EPB41: variants seen among roughly 807,000 people sequenced by gnomAD.
EPB41 encodes the protein erythrocyte membrane protein band 4.1, also known as protein 4.1.
Under a neutral mutation model 108.0 loss-of-function variants are expected in EPB41, and 65 were observed. The ratio of observed to expected loss-of-function variants is 0.60; its 90% CI spans 0.49 to 0.74. The LOEUF is 0.74. EPB41 is among the 30% of genes least tolerant of loss of function. The pLI is 0.00. For missense variants in EPB41, 875 were observed against 1,037.0 expected (o/e 0.84, Z 2.15); for synonymous variants, 336 against 358.9 (o/e 0.94, Z 0.72).
At chr1:28,927,533 C>T (rs2093515268) in intron 1 of EPB41, among the ~76,000 whole-genome samples, 1 of 152,186 alleles carries the variant, frequency 6.6e-6, no homozygotes, top group Non-Finnish European at 1.5e-5. Context: ...TTAACACATA[C>T]TGAATGCTAG....
chr1:28,913,072 T>C (rs1366229741), upstream of EPB41, among the ~76,000 whole-genome samples: 1 of 152,164 alleles, frequency 6.6e-6, no homozygotes, highest in African/African-American at 2.4e-5. Context: ...ACTCCTGTGC[T>C]TGAGCAATCC....
intron 1 of EPB41, among the ~76,000 whole-genome samples, chr1:28,892,472 A>T (rs1169622298): frequency 1.3e-5 from 2 of 152,146 alleles, no homozygotes; most frequent in African/African-American, 4.8e-5. Flanking sequence ...CTATAATCCC[A>T]GCACTTTGGG....
chr1:29,005,874 A>T (rs749643633), intron 4 of EPB41, among the ~76,000 whole-genome samples: 16 of 152,202 alleles, frequency 1.1e-4, no homozygotes, highest in Non-Finnish European at 1.9e-4. Flanking sequence ...CTTCATCTCT[A>T]TATTATTTGG....
At chr1:29,057,111 T>G (rs1573275365) in intron 12 of EPB41, among the ~76,000 whole-genome samples, 2 of 152,056 alleles carry the variant, frequency 1.3e-5, no homozygotes, top group Non-Finnish European at 2.9e-5. Flanking sequence ...GCGCAGTGGC[T>G]TACGCCTGTA....
chr1:29,059,103 C>T (rs767040516), intron 14 of EPB41, among the ~76,000 whole-genome samples: 2 of 152,022 alleles, frequency 1.3e-5, no homozygotes, highest in Middle Eastern at 3.2e-3. Context: ...GGTGAAACCA[C>T]GTCTCTACTA....
At chr1:28,899,651 G>C (rs1213067654) in intron 1 of EPB41, among the ~76,000 whole-genome samples, 1 of 152,122 alleles carries the variant, frequency 6.6e-6, no homozygotes, top group Non-Finnish European at 1.5e-5. Flanking sequence ...CTGGGAAATA[G>C]GCCTAAAAGA....
At chr1:28,946,256 C>T (rs543228496) in intron 1 of EPB41, among the ~76,000 whole-genome samples, 2 of 151,106 alleles carry the variant, frequency 1.3e-5, no homozygotes, top group South Asian at 4.2e-4. Context: ...AGTGCAATGG[C>T]GCAATTTCGG....
Position 28,980,645 on chromosome 1 carries a change from A to T in EPB41, c.-7-6786A>T, listed in dbSNP as rs1044667686. ...GGTGGGAGAATTGCCTGAGCCCAGG[A>T]AGTTGAGGTTGAAGTGAGCCGAGAT... On this transcript the variant is annotated intron_variant, in intron 1 of 20. Transcript: ENST00000343067. 7.2e-5 allele frequency among the ~76,000 whole-genome samples: 11 copies of T among 152,042 alleles called. No homozygotes were observed. The South Asian group carries it at 1.2e-3, about 17-fold the overall frequency.
chr1:28,901,585 G>A (rs1477637593), intron 1 of EPB41, among the ~76,000 whole-genome samples: 2 of 151,658 alleles, frequency 1.3e-5, no homozygotes, highest in Non-Finnish European at 2.9e-5. Context: ...CCAGGCTGGA[G>A]TGCAGTGGTG....
chr1:28,993,427 CT>C lies in EPB41; in HGVS notation c.567del (p.Gln190AsnfsTer8). 1 of 1,613,936 alleles carries C rather than the reference CT, an allele frequency of 6.2e-7. No individual in the cohort carries two copies. The highest frequency in any genetic ancestry group is 8.5e-7 in the Non-Finnish European group (1 of 1,179,968). The part of the protein sequence containing the change: ...CSKIEVKEES[P>X]QSKAETELKA... Reference sequence around the variant, plus strand: ...AAAATAGAAGTAAAAGAAGAAAGCCCTCAATCAAAAGCAGAAACAGAATTAA... The same window carrying C: ...AAAATAGAAGTAAAAGAAGAAAGCCCCAATCAAAAGCAGAAACAGAATTAA... On this transcript the variant is annotated frameshift_variant, in exon 3 of 21. Transcript: ENST00000343067. LOFTEE classifies it high-confidence loss of function.
At chr1:28,973,540 C>T (rs2095539155) in intron 1 of EPB41, among the ~76,000 whole-genome samples, 1 of 152,076 alleles carries the variant, frequency 6.6e-6, no homozygotes, top group African/African-American at 2.4e-5. Flanking sequence ...CAGGCATGCA[C>T]CACCATGCCC....
Position 29,109,317 on chromosome 1 carries a change from G to C in EPB41, c.2314-19G>C, listed in dbSNP as rs41266199. On this transcript the variant is annotated intron_variant, in intron 17 of 20. Coordinates refer to ENST00000343067, the MANE Select transcript of EPB41 (RefSeq NM_001376013.1). ...GTCTTCCTGAGAGGCATGATGATGAGCCATGCTTTCTTCTGCAGACTGACG... is the reference window on the plus strand; with the variant it reads ...GTCTTCCTGAGAGGCATGATGATGACCCATGCTTTCTTCTGCAGACTGACG... 22,030 of 1,598,650 alleles carry C rather than the reference G, an allele frequency of 0.014. 197 individuals are homozygous for C. Among genetic ancestry groups the C allele is most frequent in the Non-Finnish European group, 0.017 (19,389 of 1,165,988 alleles).
intron 1 of EPB41, chr1:28,985,918 G>A (rs1036942272): frequency 2.7e-5 from 4 of 150,596 alleles, no homozygotes; most frequent in Non-Finnish European, 5.9e-5. Context: ...CCATGCTGGT[G>A]CGCTGCACCC....
intron 16 of EPB41, among the ~76,000 whole-genome samples, chr1:29,082,450 A>C (rs1417824143): frequency 6.6e-6 from 1 of 152,150 alleles, no homozygotes; most frequent in Admixed American, 6.6e-5. Context: ...CTAGATATCA[A>C]ATTTTCTTAA....
At chr1:29,047,674 A>G (rs537617660) in intron 11 of EPB41, among the ~76,000 whole-genome samples, 1 of 152,272 alleles carries the variant, frequency 6.6e-6, no homozygotes, top group Admixed American at 6.5e-5. Context: ...CATTCCTGAT[A>G]TTGGTAAGTT....
chr1:29,008,361 GTGTGCTTTTAGTATACATCAAATAAT>G (rs1400864590), intron 4 of EPB41, among the ~76,000 whole-genome samples: 3 of 152,142 alleles, frequency 2.0e-5, no homozygotes, highest in Non-Finnish European at 2.9e-5. Flanking sequence ...AATACTGGCT[GTGTGCTTTTAGTATACATCAAATAAT>G]TTAACCTGCA....
intron 16 of EPB41, among the ~76,000 whole-genome samples, chr1:29,084,359 G>C (rs1398716912): frequency 6.6e-6 from 1 of 152,226 alleles, no homozygotes; most frequent in Non-Finnish European, 1.5e-5. Context: ...TTGCACAGAT[G>C]ATGGTGACTG....
At chr1:29,003,340 A>C (rs561061131) in intron 4 of EPB41, among the ~76,000 whole-genome samples, 9 of 152,240 alleles carry the variant, frequency 5.9e-5, no homozygotes, top group Non-Finnish European at 1.3e-4. Context: ...TGACAGAGTG[A>C]GTAAAGGCAG....
intron 17 of EPB41, among the ~76,000 whole-genome samples, 198 bp downstream of exon 17, chr1:29,098,133 G>T (rs1207145739): frequency 6.6e-6 from 1 of 152,194 alleles, no homozygotes; most frequent in African/African-American, 2.4e-5. Context: ...ACTGGTGTAT[G>T]CCTGTAGTCC....
Sources: gnomAD v4.1 joint callset for allele counts (sites outside exome capture counted in the v4.1 genomes callset) on GRCh38, gnomAD v4.1.1 for gene constraint, MANE v1.5 for transcripts, NCBI Gene and HGNC (gene_info 2026-07-23, HGNC 2026-07-21) for gene names.